The following ACSS3 variants were observed in gnomAD, a reference collection of about 807,000 sequenced individuals.
The protein encoded by ACSS3 is acyl-CoA synthetase short-chain family member 3, mitochondrial.
ACSS3 carries 64 observed loss-of-function variants against 84.2 expected under a neutral mutation model. The observed-to-expected ratio is 0.76, with a 90% confidence interval of 0.62 to 0.94. The LOEUF is 0.94. ACSS3 is among the 40% of genes least tolerant of loss of function. The pLI, the probability that ACSS3 is intolerant of heterozygous loss-of-function variation, is 0.00. For missense variants in ACSS3, 815 were observed against 867.6 expected, an observed-to-expected ratio of 0.94 and a Z score of 0.76; for synonymous variants, 317 against 310.1, an observed-to-expected ratio of 1.02 and a Z score of -0.23.
chr12:81,231,410 T>C (rs186677040), intron 12 of ACSS3, among the ~76,000 whole-genome samples: 21 of 151,948 alleles, frequency 1.4e-4, no homozygotes, highest in Admixed American at 1.3e-3. Context: ...TATCAGGACA[T>C]TATTTGTTAC....
At chr12:81,253,170 G>T in intron 13 of ACSS3, 137 bp from the exon 14 acceptor site, 1 of 843,858 alleles carries the variant, frequency 1.2e-6, no homozygotes, top group Non-Finnish European at 1.8e-6. Flanking sequence ...TGGATTTTTG[G>T]CTTGTCTTAC....
chr12:81,199,124 AC>A (rs1231494543), intron 8 of ACSS3, among the ~76,000 whole-genome samples: 1 of 152,172 alleles, frequency 6.6e-6, no homozygotes, highest in African/African-American at 2.4e-5. Context: ...TGTGAATTCT[AC>A]TTTGGAAGTA....
chr12:81,078,422 C>G lies in ACSS3; in HGVS notation c.302C>G (p.Ser101Cys), dbSNP rs377599766. The change falls in exon 1 of 16, where the codon TCT becomes TGT. Residue 101 changes from serine to cysteine, a missense_variant. Ser to Cys is a moderately radical substitution (Grantham distance 112). Coordinates refer to ENST00000548058, the MANE Select transcript of ACSS3 (RefSeq NM_024560.4). ...ACGCTGGAGAACAAACACTCGCCCT[C>G]TACCAGGTGGTGAGTGACTTCTGTG... is the stretch of plus-strand genomic sequence containing the variant. Reference protein sequence around the residue: ...TKTLENKHSPSTRWFVEGMLN... With the variant: ...TKTLENKHSPCTRWFVEGMLN... The G allele has an allele frequency of 6.2e-7, 1 of 1,612,498 alleles. No homozygotes were observed. The highest frequency in any genetic ancestry group is 8.5e-7 in the Non-Finnish European group (1 of 1,180,016).
chr12:81,131,944 T>C (rs1260770020), intron 2 of ACSS3, among the ~76,000 whole-genome samples: 1 of 152,206 alleles, frequency 6.6e-6, no homozygotes, highest in Non-Finnish European at 1.5e-5. Context: ...GATTTGCCTA[T>C]GTTGAACCAG....
intron 9 of ACSS3, among the ~76,000 whole-genome samples, chr12:81,201,420 A>G (rs371926938): frequency 6.6e-6 from 1 of 152,230 alleles, no homozygotes; most frequent in African/African-American, 2.4e-5. Flanking sequence ...GCACATTCAC[A>G]AATAAAATTA....
At chr12:81,106,692 A>C (rs2121482445) in intron 1 of ACSS3, among the ~76,000 whole-genome samples, 1 of 152,238 alleles carries the variant, frequency 6.6e-6, no homozygotes, top group South Asian at 2.1e-4. Context: ...TTGTTGACAT[A>C]TTTACATAAT....
intron 2 of ACSS3, among the ~76,000 whole-genome samples, chr12:81,122,463 T>G (rs984938151): frequency 1.3e-5 from 2 of 152,142 alleles, no homozygotes; most frequent in Admixed American, 6.5e-5. Context: ...CAGACAACAG[T>G]GACAATTTTA....
At chr12:81,144,473 A>G (rs1018760470) in intron 5 of ACSS3, among the ~76,000 whole-genome samples, 30 of 152,178 alleles carry the variant, frequency 2.0e-4, no homozygotes, top group Non-Finnish European at 3.5e-4. Flanking sequence ...TCTGCTCGAC[A>G]TAATTCTCAA....
rs1306072041 is a variant in ACSS3 at position 81,241,065 on chromosome 12, T to G, written c.1719+7594T>G. 6.3e-5 allele frequency among the ~76,000 whole-genome samples: 9 copies of G among 142,372 alleles called. 1 individual carries two copies. In the South Asian group the frequency reaches 8.9e-4, roughly 14 times the overall value. 93.4% of individuals were successfully genotyped at this position (142,372 alleles called of 152,430 possible). A position where few individuals can be genotyped will look rare whatever the true frequency, so the allele number is the denominator to read the frequency against. On this transcript the variant is annotated intron_variant, in intron 13 of 15. Coordinates refer to ENST00000548058, the MANE Select transcript of ACSS3 (RefSeq NM_024560.4). ...GTGTTCTCATTGTTCAATTCCCACC[T>G]ATGAGTGAGAATATGTGGTGTTTGG... is the stretch of plus-strand genomic sequence containing the variant.
At chr12:81,212,110 T>G (rs1291128709) in intron 9 of ACSS3, among the ~76,000 whole-genome samples, 1 of 152,222 alleles carries the variant, frequency 6.6e-6, no homozygotes, top group African/African-American at 2.4e-5. Context: ...GAAAACCCTC[T>G]CCATGACATT....
At chr12:81,155,679 C>T (rs555429864) in intron 7 of ACSS3, among the ~76,000 whole-genome samples, 1 of 152,218 alleles carries the variant, frequency 6.6e-6, no homozygotes, top group East Asian at 1.9e-4. Flanking sequence ...CCTCTTTTTT[C>T]CATGCCTCTT....
In ACSS3 at chr12:81,171,531, A is replaced by G. The variant is rs368729381; in HGVS notation, c.1099-3257A>G. Among the ~76,000 whole-genome samples, 4 of 152,266 alleles carry G rather than the reference A, an allele frequency of 2.6e-5. No individual in the cohort carries two copies. The South Asian group carries it at 6.2e-4, about 24-fold the overall frequency. On this transcript the variant is annotated intron_variant, in intron 7 of 15. Coordinates refer to ENST00000548058, the MANE Select transcript of ACSS3 (RefSeq NM_024560.4). The stretch of plus-strand genomic sequence containing the variant: ...AACACAAAGCAATTGAACTTTTTCT[A>G]TGTTCAATTAACTTATGAAAGAACA...
chr12:81,115,487 G>A (rs954423251), intron 2 of ACSS3, among the ~76,000 whole-genome samples: 3 of 151,836 alleles, frequency 2.0e-5, no homozygotes, highest in African/African-American at 4.8e-5. Flanking sequence ...TAAGTTTGCC[G>A]AGATGATATC....
In ACSS3 at chr12:81,083,358, C is replaced by CTTTTTTTTT. The variant is rs111641450; in HGVS notation, c.311+4931_311+4939dup. On this transcript the variant is annotated intron_variant, in intron 1 of 15. Transcript: ENST00000548058. ...TCCTGTAAAAAATTCAGCTTTTGGT[C>CTTTTTTTTT]TTTTTTTTTTTTCTTTTGAGACGGA... 4.3e-5 allele frequency among the ~76,000 whole-genome samples: 6 copies of CTTTTTTTTT among 140,304 alleles called. 1 individual carries two copies. Among genetic ancestry groups the CTTTTTTTTT allele is most frequent in the Non-Finnish European group, 6.1e-5 (4 of 65,270 alleles). The allele number at this position is 140,304 out of a possible 152,430, so 92.0% of individuals were successfully genotyped here.
rs1450721540 is a variant in ACSS3 at position 81,257,541 on chromosome 12, A to G, written c.*2619A>G. ...ATTTTCATAGGATTTCTTACTGTTA[A>G]GTTATTGGAAAATGAAAATATAAAG... On this transcript the variant is annotated 3_prime_UTR_variant, in exon 16 of 16. Coordinates refer to ENST00000548058, the MANE Select transcript of ACSS3 (RefSeq NM_024560.4). 6.6e-6 allele frequency: 1 copy of G among 152,158 alleles called. No individual in the cohort carries two copies. Among genetic ancestry groups the G allele is most frequent in the Non-Finnish European group, 1.5e-5 (1 of 68,020 alleles). 9.4% of individuals were successfully genotyped at this position (152,158 alleles called of 1,614,324 possible).
intron 1 of ACSS3, among the ~76,000 whole-genome samples, chr12:81,098,130 G>GAC (rs1491158100): frequency 1.6e-5 from 1 of 64,464 alleles, no homozygotes; most frequent in African/African-American, 7.5e-5. Context: ...GTCCCAGTAT[G>GAC]AGAGAGAGAG....
chr12:81,253,623 A>AT lies in ACSS3; in HGVS notation c.1949dup (p.Arg652ProfsTer20). ...GCTACCCAAAACCAGATCTGGCAAGATCCCCCGATCAGCTTTATCTGCCAT... is the reference window on the plus strand; with the variant it reads ...GCTACCCAAAACCAGATCTGGCAAGATTCCCCCGATCAGCTTTATCTGCCAT... On this transcript the variant is annotated frameshift_variant, in exon 15 of 16. Transcript: ENST00000548058. LOFTEE classifies it high-confidence loss of function. The AT allele has an allele frequency of 1.9e-6, 3 of 1,613,894 alleles. No individual in the cohort carries two copies. Among genetic ancestry groups the AT allele is most frequent in the Non-Finnish European group, 2.5e-6 (3 of 1,179,878 alleles).
At chr12:81,249,725 C>T (rs2034093281) in intron 13 of ACSS3, among the ~76,000 whole-genome samples, 1 of 152,002 alleles carries the variant, frequency 6.6e-6, no homozygotes, top group Non-Finnish European at 1.5e-5. Context: ...ATCTCTCTGA[C>T]AAGTTTCCTA....
At chr12:81,217,056 T>G in intron 10 of ACSS3, 60 bp downstream of exon 10, 1 of 1,355,466 alleles carries the variant, frequency 7.4e-7, no homozygotes, top group Middle Eastern at 1.9e-4. Context: ...TTGCATCTAG[T>G]GTGTATTATG....
Sources: gnomAD v4.1 joint callset for allele counts (sites outside exome capture counted in the v4.1 genomes callset) on GRCh38, gnomAD v4.1.1 for gene constraint, MANE v1.5 for transcripts, NCBI Gene and HGNC (gene_info 2026-07-23, HGNC 2026-07-21) for gene names.